The following LIG1 variants were observed in gnomAD, a reference collection of about 807,000 sequenced individuals.
The protein encoded by LIG1 is ligase I, DNA, ATP-dependent.
A neutral mutation model predicts 115.7 loss-of-function variants in LIG1; 70 were observed. The observed-to-expected ratio is 0.60, with a 90% CI of 0.50 to 0.74. The LOEUF (loss-of-function observed/expected upper bound fraction) is 0.74, where lower values mean the gene tolerates loss of function less well. Among genes scored for constraint, LIG1 ranks in the 30% least tolerant of loss-of-function variants. The pLI is 0.00. For synonymous variants in LIG1, 487 were observed against 495.3 expected (o/e 0.98, Z 0.22); for missense variants, 1,115 against 1,225.6 (o/e 0.91, Z 1.35).
chr19:48,166,985 G>GAAAGAA (rs1386820369), intron 1 of LIG1, among the ~76,000 whole-genome samples: 9 of 145,882 alleles, frequency 6.2e-5, no homozygotes, highest in Non-Finnish European at 1.3e-4. Context: ...GAAAGAAAAA[G>GAAAGAA]AAAGAAAAAG....
chr19:48,140,630 A>ATT (rs2034682475), intron 11 of LIG1, among the ~76,000 whole-genome samples: 4 of 152,196 alleles, frequency 2.6e-5, no homozygotes, highest in Non-Finnish European at 5.9e-5. Context: ...GCTCCTGGGG[A>ATT]TAACATCACT....
At chr19:48,162,923 C>CT (rs11444392) in intron 2 of LIG1, among the ~76,000 whole-genome samples, 78,995 of 149,018 alleles carry the variant, frequency 0.53, 20,843 homozygotes, top group East Asian at 0.67. Context: ...CTTTTTAAAT[C>CT]TTTTTTTTTT....
intron 4 of LIG1, among the ~76,000 whole-genome samples, chr19:48,161,016 C>T (rs1027892207): frequency 5.9e-5 from 9 of 152,144 alleles, no homozygotes; most frequent in Admixed American, 2.0e-4. Context: ...GGATTACAGA[C>T]GTAAGCCATT....
chr19:48,143,847 C>A (rs374447226), intron 10 of LIG1, 36 bp downstream of exon 10: 1 of 1,561,202 alleles, frequency 6.4e-7, no homozygotes, highest in African/African-American at 1.4e-5. Flanking sequence ...GCAACAGGGA[C>A]CGGAGGGGGA....
At chr19:48,128,169 T>G in intron 19 of LIG1, 149 bp from the exon 20 acceptor site, 1 of 702,910 alleles carries the variant, frequency 1.4e-6, no homozygotes, top group Non-Finnish European at 2.6e-6. Context: ...TTTCTTTTAT[T>G]CCCCACCAAG....
At chr19:48,129,116 A>T (rs1334833806) in intron 19 of LIG1, among the ~76,000 whole-genome samples, 4 of 146,200 alleles carry the variant, frequency 2.7e-5, no homozygotes, top group Non-Finnish European at 6.0e-5. Flanking sequence ...GCAGTGGTGC[A>T]ATCTCCGCTC....
At chr19:48,154,996 C>T (rs1325068023) in intron 5 of LIG1, among the ~76,000 whole-genome samples, 3 of 152,174 alleles carry the variant, frequency 2.0e-5, no homozygotes, top group Non-Finnish European at 4.4e-5. Flanking sequence ...TTTCCAGACA[C>T]ACCAAGCTGT....
intron 17 of LIG1, chr19:48,133,346 G>A (rs773757291): frequency 7.0e-5 from 37 of 529,164 alleles, no homozygotes; most frequent in Non-Finnish European, 1.2e-4. Flanking sequence ...TCACATCCTT[G>A]CAAGGAATCT....
At chr19:48,133,180 C>A in intron 17 of LIG1, 83 bp from the exon 18 acceptor site, 1 of 903,070 alleles carries the variant, frequency 1.1e-6, no homozygotes, top group Non-Finnish European at 1.9e-6. Flanking sequence ...TGCTAATGGG[C>A]CCCAGGACCA....
intron 21 of LIG1, among the ~76,000 whole-genome samples, chr19:48,126,516 G>C (rs1599755237): frequency 6.6e-6 from 1 of 151,308 alleles, no homozygotes; most frequent in South Asian, 2.1e-4. Context: ...TGAGGCAGGA[G>C]AATCACTTGA....
chr19:48,135,878 C>T lies in LIG1; in HGVS notation c.1424-99G>A, dbSNP rs1324708449. ...GCTGTATGGCAAGGAATGCAGATGC[C>T]GCGGCCCAAGACGCCCCCTCCCCCC... On this transcript the variant is annotated intron_variant, in intron 15 of 27. Coordinates refer to ENST00000263274, the MANE Select transcript of LIG1 (RefSeq NM_000234.3). The T allele has an allele frequency of 5.5e-6, 7 of 1,266,172 alleles. No individual in the cohort carries two copies. In the East Asian group the frequency reaches 7.1e-5, roughly 13 times the overall value. 78.4% of individuals were successfully genotyped at this position (1,266,172 alleles called of 1,614,324 possible). A position where few individuals can be genotyped will look rare whatever the true frequency, so the allele number is the denominator to read the frequency against.
Position 48,119,203 on chromosome 19 carries a change from A to G in LIG1, c.2386-13T>C, listed in dbSNP as rs1325085071. On this transcript the variant is annotated splice_polypyrimidine_tract_variant and intron_variant, in intron 24 of 27. Transcript: ENST00000263274. ...AGCCAGTTCCAAGCTGCAGGGAGGA[A>G]GCGGGAGGTCAGAGGCTCAGCCAGC... 2 of 1,579,684 alleles carry G rather than the reference A, an allele frequency of 1.3e-6. No homozygotes were observed. Among genetic ancestry groups the G allele is most frequent in the South Asian group, 1.2e-5 (1 of 85,972 alleles).
At chr19:48,169,107 G>T (rs1238418264) in intron 1 of LIG1, among the ~76,000 whole-genome samples, 3 of 152,170 alleles carry the variant, frequency 2.0e-5, no homozygotes, top group Non-Finnish European at 4.4e-5. Context: ...TAGAAAAAAG[G>T]TAACATCCTA....
chr19:48,143,870 GGAGAAAC>G lies in LIG1; in HGVS notation c.857+6_857+12del, dbSNP rs764145358. 6.2e-7 allele frequency: 1 copy of G among 1,606,118 alleles called. No individual in the cohort carries two copies. Among genetic ancestry groups the G allele is most frequent in the South Asian group, 1.1e-5 (1 of 90,924 alleles). The stretch of plus-strand genomic sequence containing the variant: ...GACCGGAGGGGGACAGTCTGAAAAG[GGAGAAAC>G]CTCACTTCTGGCCCGGTTTCCAGCA... On this transcript the variant is annotated splice_donor_region_variant and intron_variant, in intron 10 of 27. Transcript: ENST00000263274.
Position 48,123,317 on chromosome 19 carries a change from G to C in LIG1, c.2006C>G (p.Ser669Cys). 6.2e-7 allele frequency: 1 copy of C among 1,613,242 alleles called. No homozygotes were observed. The highest frequency in any genetic ancestry group is 8.5e-7 in the Non-Finnish European group (1 of 1,180,028). Residue 669 changes from serine to cysteine, a missense_variant and splice_region_variant, in exon 22 of 28, where the codon TCC (serine) becomes TGC (cysteine). Transcript: ENST00000263274. ...CCGGGAAAGGGGCTCACGTACCAGG[G>C]ACTGCAGGGCCGGCAGGGAGAAGAG... The part of the protein sequence containing the change: ...AFDLIYLNGE[S>C]LVREPLSRRR...
intron 19 of LIG1, 94 bp downstream of exon 19, chr19:48,130,982 C>T: frequency 2.0e-6 from 2 of 986,492 alleles, no homozygotes; most frequent in Admixed American, 3.6e-5. Flanking sequence ...CCCAATAAAC[C>T]CCGCACTGTG....
At position 48,137,143 on chromosome 19, in the gene LIG1, C is replaced by T. The variant is rs775494110; in HGVS notation, c.1255-59G>A. The T allele has an allele frequency of 4.3e-5, 59 of 1,373,020 alleles. No homozygotes were observed. The highest frequency in any genetic ancestry group is 5.8e-5 in the Non-Finnish European group (56 of 973,732). The allele number at this position is 1,373,020 out of a possible 1,614,324, so 85.1% of individuals were successfully genotyped here. A position where few individuals can be genotyped will look rare whatever the true frequency, so the allele number is the denominator to read the frequency against. ...GTGAAGGCAGGGACCACACCTCCACCCCACCAGCCGTGCTGCTGCCCTGCA... is the reference window on the plus strand; with the variant it reads ...GTGAAGGCAGGGACCACACCTCCACTCCACCAGCCGTGCTGCTGCCCTGCA... On this transcript the variant is annotated intron_variant, in intron 13 of 27. Coordinates refer to ENST00000263274, the MANE Select transcript of LIG1 (RefSeq NM_000234.3). This position sits in a 1 kb window ranked among gnomAD's most constrained non-coding sequence, Gnocchi z 4.3.
intron 4 of LIG1, among the ~76,000 whole-genome samples, chr19:48,157,582 T>G (rs943899242): frequency 3.3e-5 from 5 of 152,184 alleles, no homozygotes; most frequent in Non-Finnish European, 7.3e-5. Context: ...TGTCATTCTG[T>G]CGCCCAGGCT....
Position 48,133,976 on chromosome 19 carries a change from T to C in LIG1, c.1609+5A>G, listed in dbSNP as rs2034212557. On this transcript the variant is annotated splice_donor_5th_base_variant and intron_variant, in intron 17 of 27. Transcript: ENST00000263274. ...CAGGCTGGTGAGCGCCCCTGGGGCC[T>C]GTACCTGGGCTCAGCTTGCAGTGCT... 1.3e-6 allele frequency: 2 copies of C among 1,552,444 alleles called. No individual in the cohort carries two copies. Among genetic ancestry groups the C allele is most frequent in the Admixed American group, 2.0e-5 (1 of 51,142 alleles).
Sources: allele counts gnomAD v4.1 joint callset (sites outside exome capture counted in the v4.1 genomes callset), GRCh38; gene constraint gnomAD v4.1.1; non-coding constraint Gnocchi (gnomAD v3.1); transcripts MANE v1.5; gene names NCBI Gene and HGNC (gene_info 2026-07-23, HGNC 2026-07-21).